The following PRKN variants were observed in gnomAD, a reference collection of about 807,000 sequenced individuals.
The protein encoded by PRKN is parkin RBR E3 ubiquitin protein ligase.
Under a neutral mutation model 59.5 loss-of-function variants are expected in PRKN, and 56 were observed. The observed-to-expected ratio is 0.94, with a 90% confidence interval of 0.76 to 1.18. The LOEUF is 1.18. PRKN is among the 50% of genes most tolerant of loss of function. PRKN has a pLI of 0.00. For missense variants in PRKN, 657 were observed against 596.4 expected (o/e 1.10, Z -1.06); for synonymous variants, 250 against 222.1 (o/e 1.13, Z -1.12).
chr6:161,657,122 T>C (rs999625263), intron 7 of PRKN, among the ~76,000 whole-genome samples: 3 of 152,188 alleles, frequency 2.0e-5, no homozygotes, highest in Admixed American at 6.5e-5. Context: ...TTTATTATCA[T>C]TCTGTCTAAT....
intron 3 of PRKN, among the ~76,000 whole-genome samples, chr6:162,207,141 G>C (rs994443575): frequency 6.6e-5 from 10 of 152,100 alleles, no homozygotes; most frequent in African/African-American, 2.2e-4. Flanking sequence ...GGGAGGCCGA[G>C]GCAGGCGGAT....
At chr6:162,235,103 T>C (rs932750519) in intron 3 of PRKN, among the ~76,000 whole-genome samples, 3 of 152,218 alleles carry the variant, frequency 2.0e-5, no homozygotes, top group Non-Finnish European at 2.9e-5. Flanking sequence ...ACTAGCTGAA[T>C]GAGAGGCTTA....
rs1191029340 is a variant in PRKN at position 161,592,571 on chromosome 6, C to T, written c.872-23155G>A. ...CAGACGATTAGACACAGTTCCTATG[C>T]TCAGGGGATTTACACTCCACTAGAT... On this transcript the variant is annotated intron_variant, in intron 7 of 11. Transcript: ENST00000366898. This position sits in a 1 kb window ranked among gnomAD's most constrained non-coding sequence, Gnocchi z 4.8. Among the ~76,000 whole-genome samples the T allele has an allele frequency of 6.6e-6, 1 of 152,016 alleles. No individual in the cohort carries two copies.
At chr6:162,551,146 G>A (rs983969002) in intron 1 of PRKN, among the ~76,000 whole-genome samples, 2 of 152,128 alleles carry the variant, frequency 1.3e-5, no homozygotes, top group African/African-American at 2.4e-5. Flanking sequence ...ACATACAAAC[G>A]AGATTCTATT....
At chr6:162,034,182 T>TAGAGAGAGAG (rs1324757025) in intron 5 of PRKN, among the ~76,000 whole-genome samples, 31 of 121,544 alleles carry the variant, frequency 2.6e-4, no homozygotes, top group African/African-American at 7.4e-4. Context: ...TATATATATA[T>TAGAGAGAGAG]ATATAGAGAG....
rs956542043 is a variant in PRKN, at chr6:161,551,303, A to G, written c.934-2300T>C. ...CCTGGGGAGGCGCGCTGGCGACCTG[A>G]ACGTCTCCAGGTCCTGCCTGAGTCT... On this transcript the variant is annotated intron_variant, in intron 8 of 11. Coordinates refer to ENST00000366898, the MANE Select transcript of PRKN (RefSeq NM_004562.3). This position sits in a 1 kb window ranked among gnomAD's most constrained non-coding sequence, Gnocchi z 5.2. Among the ~76,000 whole-genome samples the G allele has an allele frequency of 4.6e-5, 7 of 152,206 alleles. No homozygotes were observed. Among genetic ancestry groups the G allele is most frequent in the African/African-American group, 1.7e-4 (7 of 41,454 alleles).
At chr6:161,912,670 C>G (rs1778408347) in intron 6 of PRKN, among the ~76,000 whole-genome samples, 1 of 152,034 alleles carries the variant, frequency 6.6e-6, no homozygotes, top group Non-Finnish European at 1.5e-5. Context: ...AGAACTGAGG[C>G]CCCAGGACTA....
rs1778040190 is a variant in PRKN, at chr6:162,643,399, A to AAAAAAC, written c.7+84262_7+84263insGTTTTT. Among the ~76,000 whole-genome samples the AAAAAAC allele has an allele frequency of 3.4e-5, 5 of 147,992 alleles. 1 individual carries two copies. The Admixed American group carries it at 3.4e-4, about 10-fold the overall frequency. On this transcript the variant is annotated intron_variant, in intron 1 of 11. Transcript: ENST00000366898. ...GGTGACAGAGCAAGACTCTGCCTCA[A>AAAAAAC]AAAAAAAAAAAAAAAAGAAAGAAAG...
chr6:161,771,187 T>C (rs1209794820), intron 7 of PRKN, among the ~76,000 whole-genome samples: 2 of 151,588 alleles, frequency 1.3e-5, no homozygotes, highest in African/African-American at 2.4e-5. Context: ...AAACCCTGTC[T>C]CTACTAAAAA....
chr6:162,019,042 CATACTTAG>C (rs1453653746), intron 5 of PRKN, among the ~76,000 whole-genome samples: 1 of 152,124 alleles, frequency 6.6e-6, no homozygotes, highest in Non-Finnish European at 1.5e-5. Context: ...GGTGATCAAC[CATACTTAG>C]ATGGTTTACT....
chr6:162,389,021 A>C (rs1204770343), intron 2 of PRKN, among the ~76,000 whole-genome samples: 7 of 151,264 alleles, frequency 4.6e-5, no homozygotes, highest in Non-Finnish European at 7.4e-5. Flanking sequence ...AAAAAAAAAA[A>C]AAACAAAAAA....
intron 1 of PRKN, among the ~76,000 whole-genome samples, chr6:162,510,734 C>T (rs1777568065): frequency 1.3e-5 from 2 of 152,020 alleles, no homozygotes; most frequent in Non-Finnish European, 2.9e-5. Flanking sequence ...CCAGCCTGTC[C>T]AACGTAGTGA....
chr6:162,297,660 G>GA (rs371514587), intron 2 of PRKN, among the ~76,000 whole-genome samples: 22 of 151,584 alleles, frequency 1.5e-4, no homozygotes, highest in African/African-American at 1.2e-4. Context: ...CAGAGTAACA[G>GA]AAAAAAAATA....
intron 1 of PRKN, among the ~76,000 whole-genome samples, chr6:162,663,484 T>C (rs1051614728): frequency 6.6e-6 from 1 of 152,150 alleles, no homozygotes; most frequent in Non-Finnish European, 1.5e-5. Context: ...AAAGCCATCT[T>C]GAAACTGCTG....
Position 162,265,523 on chromosome 6 carries a change from T to C in PRKN, c.172-2758A>G, listed in dbSNP as rs185647462. On this transcript the variant is annotated intron_variant, in intron 2 of 11. Coordinates refer to ENST00000366898, the MANE Select transcript of PRKN (RefSeq NM_004562.3). Reference sequence around the variant, plus strand: ...CTGGCCAACACGGTGAAACCCCGTCTGTACTAAAAAGATAAAAATTAGCCG... The same window carrying C: ...CTGGCCAACACGGTGAAACCCCGTCCGTACTAAAAAGATAAAAATTAGCCG... 1.7e-4 allele frequency among the ~76,000 whole-genome samples: 26 copies of C among 152,278 alleles called. No individual in the cohort carries two copies. The East Asian group carries it at 3.9e-3, about 23-fold the overall frequency.
intron 5 of PRKN, 54 bp downstream of exon 5, chr6:162,054,037 G>T: frequency 8.9e-7 from 1 of 1,129,734 alleles, no homozygotes; most frequent in Non-Finnish European, 1.4e-6. Context: ...GGCAAACAGT[G>T]AAGATGTCAT....
intron 6 of PRKN, among the ~76,000 whole-genome samples, chr6:161,956,298 G>A (rs1039540566): frequency 1.3e-5 from 2 of 152,122 alleles, no homozygotes; most frequent in African/African-American, 4.8e-5. Context: ...TAACTCAGCG[G>A]GTGTCCTTGA....
At chr6:162,191,300 C>T (rs1221444756) in intron 4 of PRKN, among the ~76,000 whole-genome samples, 7 of 152,208 alleles carry the variant, frequency 4.6e-5, no homozygotes, top group Non-Finnish European at 1.0e-4. Context: ...CATGGCAATT[C>T]TGTTTCCATG....
In PRKN at chr6:161,350,924, T is replaced by A. The variant is rs185813445; in HGVS notation, c.1286-713A>T. Among the ~76,000 whole-genome samples, 698 of 87,552 alleles carry A rather than the reference T, an allele frequency of 8.0e-3. 37 individuals carry two copies. Among genetic ancestry groups the A allele is most frequent in the African/African-American group, 0.038 (660 of 17,334 alleles). The allele number at this position is 87,552 out of a possible 152,430, so 57.4% of individuals were successfully genotyped here. ...ATAAATATATTTTATATATTTATAT[T>A]TAAAATATATATAAATATATTTTAT... On this transcript the variant is annotated intron_variant, in intron 11 of 11. Coordinates refer to ENST00000366898, the MANE Select transcript of PRKN (RefSeq NM_004562.3).
Sources: allele counts gnomAD v4.1 joint callset (sites outside exome capture counted in the v4.1 genomes callset), GRCh38; gene constraint gnomAD v4.1.1; non-coding constraint Gnocchi (gnomAD v3.1); transcripts MANE v1.5; gene names NCBI Gene and HGNC (gene_info 2026-07-23, HGNC 2026-07-21).